The following WIPF1 variants were observed in gnomAD, a reference collection of about 807,000 sequenced individuals.
The protein encoded by WIPF1 is WAS/WASL interacting protein family member 1.
In WIPF1, 13 loss-of-function variants were observed where a neutral mutation model predicts 35.4. That is an observed-to-expected ratio of 0.37 (90% confidence interval 0.24 to 0.58). The LOEUF is 0.58. Ranked by LOEUF, WIPF1 falls within the 20% of genes least tolerant of loss-of-function variation. WIPF1 has a pLI of 0.74. For synonymous variants in WIPF1, 267 were observed against 266.3 expected, an observed-to-expected ratio of 1.00 and a Z score of -0.02; for missense variants, 591 against 667.0, an observed-to-expected ratio of 0.89 and a Z score of 1.25.
chr2:174,564,781 TG>T (rs1684593244), intron 7 of WIPF1, among the ~76,000 whole-genome samples: 1 of 151,278 alleles, frequency 6.6e-6, no homozygotes, highest in Non-Finnish European at 1.5e-5. Context: ...GAAGAAGGGC[TG>T]TACTCTTATC....
At chr2:174,634,976 C>T (rs1453874408) in intron 1 of WIPF1, among the ~76,000 whole-genome samples, 1 of 152,116 alleles carries the variant, frequency 6.6e-6, no homozygotes, top group East Asian at 1.9e-4. Flanking sequence ...GGACTGCCAC[C>T]CTCAGGGCAG....
At chr2:174,621,146 T>C (rs1027324384) in intron 1 of WIPF1, among the ~76,000 whole-genome samples, 1 of 152,192 alleles carries the variant, frequency 6.6e-6, no homozygotes, top group Non-Finnish European at 1.5e-5. Flanking sequence ...GCAGGAGCTT[T>C]ATCTGTGTTG....
At chr2:174,662,662 G>A (rs1041693979) in intron 1 of WIPF1, among the ~76,000 whole-genome samples, 1 of 152,222 alleles carries the variant, frequency 6.6e-6, no homozygotes, top group Non-Finnish European at 1.5e-5. Flanking sequence ...CAGCAACCCA[G>A]ATGACTCAAA....
intron 7 of WIPF1, 106 bp downstream of exon 7, chr2:174,566,964 G>C (rs1213236459): frequency 8.4e-6 from 9 of 1,065,814 alleles, no homozygotes; most frequent in Non-Finnish European, 1.3e-5. Flanking sequence ...GCTCCAAAGG[G>C]TTCTCTACCC....
rs1684495320 is a variant in WIPF1 at position 174,561,968 on chromosome 2, T to C, written c.*579A>G. On this transcript the variant is annotated 3_prime_UTR_variant, in exon 8 of 8. Coordinates refer to ENST00000679041, the MANE Select transcript of WIPF1 (RefSeq NM_001375834.1). Reference sequence around the variant, plus strand: ...TTTGGATGCATATTAACTTCACTTGTTTAAAATATATTAGAAATGTAAAAA... The same window carrying C: ...TTTGGATGCATATTAACTTCACTTGCTTAAAATATATTAGAAATGTAAAAA... 2 of 1,273,928 alleles carry C rather than the reference T, an allele frequency of 1.6e-6. No individual in the cohort carries two copies. The highest frequency in any genetic ancestry group is 4.9e-5 in the Admixed American group (2 of 40,966). 78.9% of individuals were successfully genotyped at this position (1,273,928 alleles called of 1,614,324 possible).
intron 4 of WIPF1, among the ~76,000 whole-genome samples, chr2:174,574,339 A>G (rs1684976954): frequency 6.6e-6 from 1 of 152,212 alleles, no homozygotes; most frequent in African/African-American, 2.4e-5. Flanking sequence ...TGGTCTGGCA[A>G]GATAGAACCT....
chr2:174,562,363 A>C lies in WIPF1; in HGVS notation c.*184T>G. ...AAGCAATAGCCTGGAGAATAAACAC[A>C]ATATGAAAAGCTAGGTGCATTTCTT... is the stretch of plus-strand genomic sequence containing the variant. On this transcript the variant is annotated 3_prime_UTR_variant, in exon 8 of 8. Transcript: ENST00000679041. The C allele has an allele frequency of 6.7e-7, 1 of 1,481,962 alleles. No homozygotes were observed. The highest frequency in any genetic ancestry group is 2.4e-4 in the Middle Eastern group (1 of 4,082). 91.8% of individuals were successfully genotyped at this position (1,481,962 alleles called of 1,614,324 possible). A position where few individuals can be genotyped will look rare whatever the true frequency, so the allele number is the denominator to read the frequency against.
intron 1 of WIPF1, among the ~76,000 whole-genome samples, chr2:174,664,596 G>C (rs1687849966): frequency 6.6e-6 from 1 of 152,216 alleles, no homozygotes; most frequent in Non-Finnish European, 1.5e-5. Flanking sequence ...GTGTTCCGTG[G>C]TGGCCAGTGT....
intron 1 of WIPF1, among the ~76,000 whole-genome samples, chr2:174,677,461 C>T (rs982226680): frequency 2.0e-5 from 3 of 152,142 alleles, no homozygotes; most frequent in African/African-American, 4.8e-5. Flanking sequence ...GACTGCAATA[C>T]AGGATAGGGT....
chr2:174,673,666 G>A (rs1688067347), intron 1 of WIPF1: 2 of 152,352 alleles, frequency 1.3e-5, no homozygotes, highest in South Asian at 4.1e-4. Context: ...TATCCTGGAC[G>A]TTTGGCAGAA....
At chr2:174,612,174 G>T (rs1686367786) in intron 1 of WIPF1, among the ~76,000 whole-genome samples, 1 of 152,140 alleles carries the variant, frequency 6.6e-6, no homozygotes, top group African/African-American at 2.4e-5. Flanking sequence ...TGGGATTATA[G>T]GTGTGTGCCA....
At chr2:174,612,765 T>G (rs763396804) in intron 1 of WIPF1, among the ~76,000 whole-genome samples, 1 of 144,662 alleles carries the variant, frequency 6.9e-6, no homozygotes. Context: ...CATTAGTGGT[T>G]TGTTATCTGG....
At chr2:174,580,183 T>C (rs539233519) in intron 3 of WIPF1, among the ~76,000 whole-genome samples, 46 of 152,256 alleles carry the variant, frequency 3.0e-4, no homozygotes, top group African/African-American at 1.0e-3. Flanking sequence ...ACTCCTGGCC[T>C]CAAGTGATCC....
chr2:174,586,202 G>A (rs1465622), intron 1 of WIPF1, among the ~76,000 whole-genome samples: 1 of 151,994 alleles, frequency 6.6e-6, no homozygotes, highest in Non-Finnish European at 1.5e-5. Flanking sequence ...GTGGACGTGT[G>A]GGGGGTCAAC....
At chr2:174,566,665 A>T (rs1684668815) in intron 7 of WIPF1, 2 of 162,106 alleles carry the variant, frequency 1.2e-5, no homozygotes, top group Admixed American at 1.2e-4. Flanking sequence ...CTATGATTAC[A>T]ATACGTTTAA....
chr2:174,657,730 T>A (rs1281889974), intron 1 of WIPF1, among the ~76,000 whole-genome samples: 1 of 151,026 alleles, frequency 6.6e-6, no homozygotes, highest in East Asian at 1.9e-4. Context: ...CCATCTCTAC[T>A]AAAAAAAATA....
At chr2:174,568,834 T>C (rs1198870041) in intron 5 of WIPF1, 1 of 152,008 alleles carries the variant, frequency 6.6e-6, no homozygotes, top group African/African-American at 2.4e-5. Context: ...CTAGTGAAAA[T>C]GCAAATAAAA....
At chr2:174,646,301 C>T (rs559548110) in intron 1 of WIPF1, among the ~76,000 whole-genome samples, 4 of 152,084 alleles carry the variant, frequency 2.6e-5, no homozygotes, top group African/African-American at 7.2e-5. Flanking sequence ...GCACATCAAA[C>T]GGGGCAAAAT....
intron 1 of WIPF1, among the ~76,000 whole-genome samples, chr2:174,654,772 G>C (rs1327374581): frequency 1.3e-5 from 2 of 151,846 alleles, no homozygotes; most frequent in African/African-American, 2.4e-5. Flanking sequence ...CCTATGTCCT[G>C]AACTGCTCTC....
Sources: allele counts gnomAD v4.1 joint callset (sites outside exome capture counted in the v4.1 genomes callset), GRCh38; gene constraint gnomAD v4.1.1; transcripts MANE v1.5; gene names NCBI Gene and HGNC (gene_info 2026-07-23, HGNC 2026-07-21).